Variants in PTPRN2 observed in about 807,000 individuals in gnomAD.
PTPRN2 encodes the protein receptor-type tyrosine-protein phosphatase N2.
A neutral mutation model predicts 118.8 loss-of-function variants in PTPRN2; 74 were observed. The ratio of observed to expected loss-of-function variants is 0.62; its 90% CI spans 0.52 to 0.76. The LOEUF (loss-of-function observed/expected upper bound fraction) is 0.76, where lower values mean the gene tolerates loss of function less well. PTPRN2 is among the 30% of genes least tolerant of loss of function. The pLI is 0.00. For missense variants in PTPRN2, 1,481 were observed against 1,394.4 expected (o/e 1.06, Z -0.99); for synonymous variants, 641 against 608.0 (o/e 1.05, Z -0.80).
intron 14 of PTPRN2, among the ~76,000 whole-genome samples, chr7:157,637,622 T>C (rs1585148639): frequency 6.6e-6 from 1 of 152,190 alleles, no homozygotes; most frequent in African/African-American, 2.4e-5. Context: ...CAAAACGGTA[T>C]GATCAGATTC....
At chr7:158,511,088 C>T (rs1027168170) in intron 1 of PTPRN2, among the ~76,000 whole-genome samples, 5 of 152,188 alleles carry the variant, frequency 3.3e-5, no homozygotes, top group African/African-American at 7.2e-5. Flanking sequence ...CAGGAGTTGA[C>T]GGCAAGAAAT....
chr7:158,214,144 T>C (rs1323470695), intron 3 of PTPRN2, among the ~76,000 whole-genome samples: 1 of 152,064 alleles, frequency 6.6e-6, no homozygotes, highest in African/African-American at 2.4e-5. Context: ...TCCTATGAAC[T>C]TCTGTCCGTG....
intron 2 of PTPRN2, among the ~76,000 whole-genome samples, chr7:158,398,951 C>T (rs1013833127): frequency 5.3e-5 from 8 of 152,146 alleles, no homozygotes; most frequent in Non-Finnish European, 8.8e-5. Flanking sequence ...CTATGTAGTA[C>T]GCTGTGACTA....
In PTPRN2 at chr7:158,198,963, C is replaced by T. The variant is rs535581122; in HGVS notation, c.380+6208G>A. Among the ~76,000 whole-genome samples, 574 of 149,118 alleles carry T rather than the reference C, an allele frequency of 3.8e-3. 4 individuals are homozygous for T. The highest frequency in any genetic ancestry group is 0.014 in the African/African-American group (548 of 40,232). On this transcript the variant is annotated intron_variant, in intron 4 of 22. Coordinates refer to ENST00000389418, the MANE Select transcript of PTPRN2 (RefSeq NM_002847.5). ...TCTGGCTTCTCAGGTCCTCCTTAGC[C>T]CTTAGCATGTTCTTCTCAGGTTCTG... is the stretch of plus-strand genomic sequence containing the variant.
At chr7:158,070,396 CGTG>C (rs1266739208) in intron 11 of PTPRN2, among the ~76,000 whole-genome samples, 1 of 109,102 alleles carries the variant, frequency 9.2e-6, no homozygotes, top group African/African-American at 3.9e-5. Flanking sequence ...TGGAGGTGCT[CGTG>C]GTGGTGGACG....
At chr7:157,653,860 T>G (rs1265359015) in intron 14 of PTPRN2, among the ~76,000 whole-genome samples, 6 of 110,280 alleles carry the variant, frequency 5.4e-5, no homozygotes, top group Non-Finnish European at 9.1e-5. Flanking sequence ...CCACCCCGAC[T>G]CCACACGATG....
At chr7:158,206,169 C>T (rs189401873) in intron 3 of PTPRN2, among the ~76,000 whole-genome samples, 4 of 152,312 alleles carry the variant, frequency 2.6e-5, no homozygotes, top group Admixed American at 2.6e-4. Flanking sequence ...AAAAGAGACT[C>T]CTTCCTTCTC....
At chr7:158,388,737 G>A (rs1811699714) in intron 2 of PTPRN2, among the ~76,000 whole-genome samples, 1 of 152,106 alleles carries the variant, frequency 6.6e-6, no homozygotes, top group Admixed American at 6.5e-5. Context: ...TGGTGCCTTG[G>A]CCTTTCTGGC....
intron 2 of PTPRN2, among the ~76,000 whole-genome samples, chr7:158,337,511 ACT>A (rs556434229): frequency 6.3e-4 from 93 of 146,872 alleles, no homozygotes; most frequent in Middle Eastern, 6.9e-3. Flanking sequence ...TCGCACCCAC[ACT>A]CTCACCATAA....
chr7:158,181,780 T>C (rs1278137943), intron 5 of PTPRN2, among the ~76,000 whole-genome samples: 2 of 152,242 alleles, frequency 1.3e-5, no homozygotes, highest in African/African-American at 2.4e-5. Flanking sequence ...TTCTGTGGTA[T>C]AGTTGAGCTT....
chr7:157,846,281 G>GT, intron 12 of PTPRN2, among the ~76,000 whole-genome samples: 1 of 152,012 alleles, frequency 6.6e-6, no homozygotes, highest in East Asian at 1.9e-4. Flanking sequence ...AATTAAAGAG[G>GT]TAAAAAAACC....
At chr7:158,077,604 G>A (rs528533720) in intron 11 of PTPRN2, among the ~76,000 whole-genome samples, 19 of 150,664 alleles carry the variant, frequency 1.3e-4, no homozygotes, top group Middle Eastern at 3.4e-3. Context: ...CACACCCTCC[G>A]TGGCGCCCGA....
chr7:157,791,264 G>C (rs1362354902), intron 12 of PTPRN2, among the ~76,000 whole-genome samples: 2 of 151,864 alleles, frequency 1.3e-5, no homozygotes, highest in Non-Finnish European at 2.9e-5. Context: ...CCACAGTTTC[G>C]TATTTGTTAA....
At chr7:158,374,386 ACTCG>A (rs1037591493) in intron 2 of PTPRN2, among the ~76,000 whole-genome samples, 8 of 151,878 alleles carry the variant, frequency 5.3e-5, no homozygotes, top group Admixed American at 1.3e-4. Context: ...CCACACACTC[ACTCG>A]CTCCTGTGAA....
intron 2 of PTPRN2, among the ~76,000 whole-genome samples, chr7:158,463,810 C>CA (rs1819190105): frequency 6.8e-6 from 1 of 147,664 alleles, no homozygotes; most frequent in African/African-American, 2.5e-5. Flanking sequence ...AATAAATAAT[C>CA]CTTCATCATC....
At chr7:157,577,183 G>C (rs572522415) in intron 18 of PTPRN2, among the ~76,000 whole-genome samples, 7 of 152,236 alleles carry the variant, frequency 4.6e-5, no homozygotes, top group Non-Finnish European at 1.0e-4. Context: ...TCCACTCTAA[G>C]TGAGACTCCG....
intron 12 of PTPRN2, among the ~76,000 whole-genome samples, chr7:157,836,216 A>T (rs1253325616): frequency 6.6e-6 from 1 of 152,264 alleles, no homozygotes; most frequent in Non-Finnish European, 1.5e-5. Flanking sequence ...AATTGCATGC[A>T]CTTAAATGAA....
chr7:157,861,573 G>A lies in PTPRN2; in HGVS notation c.1788+37100C>T, dbSNP rs1380019657. Among the ~76,000 whole-genome samples the A allele has an allele frequency of 6.6e-6, 1 of 152,238 alleles. No individual in the cohort carries two copies. Among genetic ancestry groups the A allele is most frequent in the Admixed American group, 6.5e-5 (1 of 15,292 alleles). On this transcript the variant is annotated intron_variant, in intron 12 of 22. Coordinates refer to ENST00000389418, the MANE Select transcript of PTPRN2 (RefSeq NM_002847.5). This position sits in a 1 kb window ranked among gnomAD's most constrained non-coding sequence, Gnocchi z 5.8. ...CGCTCCCTGTACTCAAAGCCGAGCT[G>A]TGTGAGGCTTTTGGGGCTGCCAGAA...
At chr7:158,222,548 G>A (rs1178555995) in intron 3 of PTPRN2, among the ~76,000 whole-genome samples, 1 of 152,068 alleles carries the variant, frequency 6.6e-6, no homozygotes, top group Admixed American at 6.6e-5. Flanking sequence ...ACAAAAATGA[G>A]GATGACAGAC....
Sources: gnomAD v4.1 joint callset for allele counts (sites outside exome capture counted in the v4.1 genomes callset) on GRCh38, gnomAD v4.1.1 for gene constraint, Gnocchi (gnomAD v3.1) non-coding constraint, MANE v1.5 for transcripts, NCBI Gene and HGNC (gene_info 2026-07-23, HGNC 2026-07-21) for gene names.